The following UPK3A variants were observed in gnomAD, a reference collection of about 807,000 sequenced individuals.
UPK3A encodes the protein uroplakin 3A, also known as uroplakin-3a.
In UPK3A, 32 loss-of-function variants were observed where a neutral mutation model predicts 27.6. The ratio of observed to expected loss-of-function variants is 1.16; its 90% confidence interval spans 0.87 to 1.55. The LOEUF is 1.55. Among genes scored for constraint, UPK3A ranks in the 40% most tolerant of loss-of-function variants. UPK3A has a pLI of 0.00. For missense variants in UPK3A, 370 were observed against 367.9 expected (o/e 1.01, Z -0.05); for synonymous variants, 171 against 163.9 (o/e 1.04, Z -0.33).
intron 4 of UPK3A, among the ~76,000 whole-genome samples, chr22:45,290,373 C>T (rs932325880): frequency 5.3e-5 from 8 of 152,098 alleles, no homozygotes; most frequent in South Asian, 2.1e-4. Flanking sequence ...CCCCCAGGGG[C>T]GTGGGGGGCT....
At position 45,288,990 on chromosome 22, in the gene UPK3A, C is replaced by T. The variant is rs2084139526; in HGVS notation, c.489-71C>T. On this transcript the variant is annotated intron_variant, in intron 3 of 5. Transcript: ENST00000216211. Reference sequence around the variant, plus strand: ...CTCCCACCCCTAGGCCATCCTACATCCCCCCACCGCCTCCCTGTGGGTGGG... The same window carrying T: ...CTCCCACCCCTAGGCCATCCTACATTCCCCCACCGCCTCCCTGTGGGTGGG... 6 of 1,491,630 alleles carry T rather than the reference C, an allele frequency of 4.0e-6. No homozygotes were observed. The Admixed American group carries it at 5.0e-5, about 12-fold the overall frequency. 92.4% of individuals were successfully genotyped at this position (1,491,630 alleles called of 1,614,324 possible).
intron 4 of UPK3A, among the ~76,000 whole-genome samples, chr22:45,291,902 A>G (rs2084164541): frequency 1.4e-5 from 2 of 146,108 alleles, no homozygotes; most frequent in South Asian, 2.2e-4. Flanking sequence ...GTGAGTTGGT[A>G]TGTGTGGTGT....
chr22:45,291,527 T>C (rs555258384), intron 4 of UPK3A, among the ~76,000 whole-genome samples: 1 of 149,892 alleles, frequency 6.7e-6, no homozygotes, highest in East Asian at 2.0e-4. Flanking sequence ...TGAGTTGGAA[T>C]GTGTGTTGTG....
chr22:45,285,790 C>T, intron 1 of UPK3A, 151 bp from the exon 2 acceptor site: 5 of 1,082,726 alleles, frequency 4.6e-6, no homozygotes, highest in African/African-American at 1.6e-5. Context: ...GATGACTGGG[C>T]AGGGGGCAGT....
At chr22:45,289,602 A>G (rs6006982) in intron 4 of UPK3A, among the ~76,000 whole-genome samples, 13 of 151,102 alleles carry the variant, frequency 8.6e-5, no homozygotes, top group African/African-American at 2.7e-4. Context: ...AAGAAAAAAA[A>G]AATTAGCTGG....
rs761498945 is a variant in UPK3A at position 45,287,355 on chromosome 22, C to T, written c.392C>T (p.Ala131Val). 16 of 1,614,132 alleles carry T rather than the reference C, an allele frequency of 9.9e-6. No individual in the cohort carries two copies. The highest frequency in any genetic ancestry group is 1.4e-5 in the Non-Finnish European group (16 of 1,179,976). Residue 131 changes from alanine to valine, a missense_variant, in exon 3 of 6, where the codon GCC becomes GTC. Ala to Val is a moderately conservative substitution (Grantham distance 64). Coordinates refer to ENST00000216211, the MANE Select transcript of UPK3A (RefSeq NM_006953.4). ...TCCAAGGCCTCACAGATCCTGAATG[C>T]CTACCTGGTCAGGGTGGGTGCCAAC... ...DVSKASQILN[A>V]YLVRVGANGT...
intron 5 of UPK3A, among the ~76,000 whole-genome samples, chr22:45,294,956 C>T (rs576987818): frequency 4.6e-4 from 69 of 151,460 alleles, no homozygotes; most frequent in African/African-American, 1.6e-3. Flanking sequence ...ACCTCCGCCT[C>T]CCAGGTTCAA....
Position 45,289,106 on chromosome 22 carries a change from C to T in UPK3A, c.534C>T (p.Asp178=). 2 of 1,614,034 alleles carry T rather than the reference C, an allele frequency of 1.2e-6. No individual in the cohort carries two copies. The highest frequency in any genetic ancestry group is 1.7e-6 in the Non-Finnish European group (2 of 1,180,024). ...ATATGTCCACGGGCTTGGTAGAGGACCAGACCCTGTGGTCAGACCCCATCC... is the reference window on the plus strand; with the variant it reads ...ATATGTCCACGGGCTTGGTAGAGGATCAGACCCTGTGGTCAGACCCCATCC... The part of the protein sequence containing the change: ...LVNMSTGLVE[D]QTLWSDPIRT... Residue 178 remains aspartate, a synonymous_variant, in exon 4 of 6, where the codon GAC becomes GAT. Transcript: ENST00000216211.
At chr22:45,293,443 C>T (rs538186555) in intron 5 of UPK3A, 130 bp downstream of exon 5, 46 of 1,221,840 alleles carry the variant, frequency 3.8e-5, no homozygotes, top group Middle Eastern at 1.9e-4. Flanking sequence ...CCCTCTGCCC[C>T]GCGGGTGGGG....
chr22:45,287,368 G>A lies in UPK3A; in HGVS notation c.405G>A (p.Arg135=), dbSNP rs765823120. The A allele has an allele frequency of 6.2e-7, 1 of 1,613,976 alleles. No individual in the cohort carries two copies. The highest frequency in any genetic ancestry group is 8.5e-7 in the Non-Finnish European group (1 of 1,179,916). Residue 135 remains arginine (R), a synonymous_variant, in exon 3 of 6, where the codon AGG becomes AGA. Coordinates refer to ENST00000216211, the MANE Select transcript of UPK3A (RefSeq NM_006953.4). ...ASQILNAYLV[R]VGANGTCLWD... ...AGATCCTGAATGCCTACCTGGTCAG[G>A]GTGGGTGCCAACGGGACCTGCCTGT... is the stretch of plus-strand genomic sequence containing the variant.
chr22:45,288,864 T>TGG (rs555909662), intron 3 of UPK3A, among the ~76,000 whole-genome samples, 197 bp from the exon 4 acceptor site: 1 of 151,506 alleles, frequency 6.6e-6, no homozygotes, highest in Non-Finnish European at 1.5e-5. Context: ...GGAGGGGTCC[T>TGG]GGGGGGGGTC....
At chr22:45,289,752 CAA>C (rs148728583) in intron 4 of UPK3A, among the ~76,000 whole-genome samples, 16 of 120,876 alleles carry the variant, frequency 1.3e-4, no homozygotes, top group Non-Finnish European at 1.6e-4. Flanking sequence ...GACTCTGTCT[CAA>C]AAAAAAAAAA....
At chr22:45,287,525 T>C (rs1318966735) in intron 3 of UPK3A, 74 bp downstream of exon 3, 5 of 1,526,420 alleles carry the variant, frequency 3.3e-6, no homozygotes, top group Middle Eastern at 1.7e-4. Flanking sequence ...AGGGGCAAAG[T>C]AGGAGCAGCC....
intron 3 of UPK3A, among the ~76,000 whole-genome samples, chr22:45,288,430 C>G (rs1329269332): frequency 1.3e-5 from 2 of 152,150 alleles, no homozygotes; most frequent in African/African-American, 4.8e-5. Context: ...GATCTCCTGA[C>G]CTCATGATCC....
chr22:45,291,323 G>A (rs562195370), intron 4 of UPK3A, among the ~76,000 whole-genome samples: 9 of 149,918 alleles, frequency 6.0e-5, no homozygotes, highest in African/African-American at 1.7e-4. Flanking sequence ...GGTGTGTGTG[G>A]TGTGTGTGGT....
At chr22:45,285,853 G>A in intron 1 of UPK3A, 88 bp from the exon 2 acceptor site, 1 of 1,585,800 alleles carries the variant, frequency 6.3e-7, no homozygotes, top group Non-Finnish European at 8.6e-7. Context: ...CCAGGGCCTG[G>A]CACACAACAC....
At chr22:45,286,117 T>C (rs756026343) in intron 2 of UPK3A, 21 bp downstream of exon 2, 7 of 1,613,730 alleles carry the variant, frequency 4.3e-6, no homozygotes, top group Non-Finnish European at 1.7e-6. Context: ...TGCTTCCCTC[T>C]GGCTACTCCA....
intron 2 of UPK3A, 32 bp from the exon 3 acceptor site, chr22:45,287,140 C>A (rs746332074): frequency 5.0e-6 from 8 of 1,613,168 alleles, no homozygotes; most frequent in Non-Finnish European, 6.8e-6. Context: ...CCGGAGTGGC[C>A]AGAAGCCTGA....
intron 4 of UPK3A, among the ~76,000 whole-genome samples, chr22:45,291,297 GGT>G (rs980475577): frequency 6.7e-6 from 1 of 148,370 alleles, no homozygotes; most frequent in Non-Finnish European, 1.5e-5. Context: ...GTGTGGTGGG[GGT>G]GTGTGTGAAT....
Sources: allele counts gnomAD v4.1 joint callset (sites outside exome capture counted in the v4.1 genomes callset), GRCh38; gene constraint gnomAD v4.1.1; transcripts MANE v1.5; gene names NCBI Gene and HGNC (gene_info 2026-07-23, HGNC 2026-07-21).